Variants in FTO observed in about 807,000 individuals in gnomAD.
The protein encoded by FTO is alpha-ketoglutarate-dependent dioxygenase FTO.
A neutral mutation model predicts 63.9 loss-of-function variants in FTO; 47 were observed. The observed-to-expected ratio is 0.74, with a 90% CI of 0.58 to 0.94. The LOEUF is 0.94. Among genes scored for constraint, FTO ranks in the 40% least tolerant of loss-of-function variants. The pLI, the probability that FTO is intolerant of heterozygous loss-of-function variation, is 0.00. For synonymous variants in FTO, 207 were observed against 224.4 expected, an observed-to-expected ratio of 0.92 and a Z score of 0.69; for missense variants, 562 against 618.1, an observed-to-expected ratio of 0.91 and a Z score of 0.96.
chr16:53,916,622 A>G (rs1179689647), intron 7 of FTO, among the ~76,000 whole-genome samples: 3 of 152,210 alleles, frequency 2.0e-5, no homozygotes, highest in African/African-American at 7.2e-5. Flanking sequence ...AGATGGAATG[A>G]TGGCCTCTTT....
rs192135744 is a variant in FTO, at chr16:53,739,716, A to G, written c.45+35487A>G. ...TTTCCCACTCCCACGTTAAAAGACA[A>G]TTAGTATGATTGTATCTTTTTTGTC... is the stretch of plus-strand genomic sequence containing the variant. On this transcript the variant is annotated intron_variant, in intron 1 of 8. Coordinates refer to ENST00000471389, the MANE Select transcript of FTO (RefSeq NM_001080432.3). Among the ~76,000 whole-genome samples, 672 of 152,294 alleles carry G rather than the reference A, an allele frequency of 4.4e-3. 9 individuals carry two copies. The highest frequency in any genetic ancestry group is 0.016 in the African/African-American group (654 of 41,554).
intron 4 of FTO, among the ~76,000 whole-genome samples, chr16:53,863,714 A>G (rs1206626370): frequency 2.0e-5 from 3 of 152,242 alleles, no homozygotes; most frequent in Non-Finnish European, 4.4e-5. Context: ...TACAGAGGCA[A>G]GAGCCTTGCT....
At chr16:54,002,298 G>C (rs2084086132) in intron 8 of FTO, among the ~76,000 whole-genome samples, 1 of 152,128 alleles carries the variant, frequency 6.6e-6, no homozygotes, top group Admixed American at 6.6e-5. Context: ...GGGATTACAG[G>C]CATGAGCCAC....
intron 1 of FTO, among the ~76,000 whole-genome samples, chr16:53,789,706 TTTTG>T (rs1422368777): frequency 2.6e-5 from 4 of 151,650 alleles, no homozygotes; most frequent in African/African-American, 9.7e-5. Context: ...TTGTTTCTGT[TTTTG>T]TTTTTGACTT....
At chr16:53,995,033 A>G (rs916955430) in intron 8 of FTO, among the ~76,000 whole-genome samples, 4 of 152,142 alleles carry the variant, frequency 2.6e-5, no homozygotes, top group Admixed American at 2.0e-4. Context: ...GAGCTTCCTC[A>G]TATACCCATG....
chr16:53,918,424 G>T (rs2081934137), intron 7 of FTO, among the ~76,000 whole-genome samples: 1 of 152,254 alleles, frequency 6.6e-6, no homozygotes, highest in Admixed American at 6.5e-5. Context: ...AGAAAAGGCA[G>T]AGTAAAAATA....
intron 1 of FTO, among the ~76,000 whole-genome samples, chr16:53,802,706 G>A (rs1364736839): frequency 6.6e-6 from 1 of 152,026 alleles, no homozygotes; most frequent in Non-Finnish European, 1.5e-5. Flanking sequence ...TCATCCCATA[G>A]CTCACTGATG....
intron 8 of FTO, among the ~76,000 whole-genome samples, chr16:54,021,093 A>G (rs2084588878): frequency 6.6e-6 from 1 of 152,184 alleles, no homozygotes; most frequent in East Asian, 1.9e-4. Context: ...GACACATACC[A>G]TAGCTACCTG....
At chr16:54,079,245 A>C (rs2086079941) in intron 8 of FTO, among the ~76,000 whole-genome samples, 1 of 152,154 alleles carries the variant, frequency 6.6e-6, no homozygotes, top group Non-Finnish European at 1.5e-5. Context: ...TAGTGAGTTC[A>C]GTGCCTGCTG....
chr16:54,028,923 AT>A (rs1159412937), intron 8 of FTO, among the ~76,000 whole-genome samples: 51 of 152,104 alleles, frequency 3.4e-4, no homozygotes, highest in African/African-American at 1.2e-3. Context: ...AGTCTAAAAA[AT>A]TTTAATTTAT....
chr16:53,913,940 C>T (rs915908256), intron 7 of FTO, among the ~76,000 whole-genome samples: 5 of 151,406 alleles, frequency 3.3e-5, no homozygotes, highest in Admixed American at 6.6e-5. Context: ...GACCACACCA[C>T]TGCACTCCGG....
chr16:53,979,585 C>A, intron 8 of FTO: 2 of 389,730 alleles, frequency 5.1e-6, no homozygotes, highest in East Asian at 7.3e-5. Flanking sequence ...GTGTGAATTT[C>A]TTGTCCTCTA....
At chr16:53,743,154 G>T (rs1220566664) in intron 1 of FTO, among the ~76,000 whole-genome samples, 1 of 152,050 alleles carries the variant, frequency 6.6e-6, no homozygotes, top group Non-Finnish European at 1.5e-5. Context: ...AATTTGAAAT[G>T]CCCCTTCATT....
At chr16:53,980,170 G>T (rs1416968134) in intron 8 of FTO, among the ~76,000 whole-genome samples, 1 of 152,158 alleles carries the variant, frequency 6.6e-6, no homozygotes, top group Non-Finnish European at 1.5e-5. Flanking sequence ...ACATGACTTT[G>T]CTCTTTTCTA....
At position 53,982,335 on chromosome 16, in the gene FTO, T is replaced by C. The variant is rs553803295; in HGVS notation, c.1364+48226T>C. Among the ~76,000 whole-genome samples, 24 of 152,340 alleles carry C rather than the reference T, an allele frequency of 1.6e-4. No homozygotes were observed. In the South Asian group the frequency reaches 4.6e-3, roughly 29 times the overall value. On this transcript the variant is annotated intron_variant, in intron 8 of 8. Coordinates refer to ENST00000471389, the MANE Select transcript of FTO (RefSeq NM_001080432.3). ...GTGACTATGATGTCCTAAAGCACTT[T>C]ATGTGAGACTTAGATTTTCTTTTTT...
intron 2 of FTO, among the ~76,000 whole-genome samples, chr16:53,814,430 CA>C (rs1340376438): frequency 6.6e-6 from 1 of 152,116 alleles, no homozygotes; most frequent in Non-Finnish European, 1.5e-5. Flanking sequence ...CGTGTGAGCT[CA>C]CTGAAATCTT....
intron 3 of FTO, among the ~76,000 whole-genome samples, chr16:53,826,853 T>C (rs190737950): frequency 6.6e-6 from 1 of 152,368 alleles, no homozygotes; most frequent in Admixed American, 6.5e-5. Context: ...GTTGCTATAA[T>C]TAACTTGCTG....
chr16:53,799,034 G>A (rs1164142058), intron 1 of FTO, among the ~76,000 whole-genome samples: 1 of 152,116 alleles, frequency 6.6e-6, no homozygotes, highest in Non-Finnish European at 1.5e-5. Flanking sequence ...GATTTATGTA[G>A]ATTTTTGAAT....
Position 54,055,094 on chromosome 16 carries a change from C to G in FTO, c.1365-56668C>G, listed in dbSNP as rs775961835. ...TTTAGAACAAGATTAATTTAGCTTC[C>G]GTTAGTTCATACCAGCGAACTAGGA... On this transcript the variant is annotated intron_variant, in intron 8 of 8. Coordinates refer to ENST00000471389, the MANE Select transcript of FTO (RefSeq NM_001080432.3). Among the ~76,000 whole-genome samples, 9 of 152,126 alleles carry G rather than the reference C, an allele frequency of 5.9e-5. No individual in the cohort carries two copies. In the East Asian group the frequency reaches 1.7e-3, roughly 29 times the overall value.
Sources: allele counts gnomAD v4.1 joint callset (sites outside exome capture counted in the v4.1 genomes callset), GRCh38; gene constraint gnomAD v4.1.1; transcripts MANE v1.5; gene names NCBI Gene and HGNC (gene_info 2026-07-23, HGNC 2026-07-21).